Variants in ATP5PO observed in about 807,000 individuals in gnomAD.
ATP5PO encodes ATP synthase peripheral stalk subunit OSCP.
A neutral mutation model predicts 26.2 loss-of-function variants in ATP5PO; 14 were observed. The ratio of observed to expected loss-of-function variants is 0.53; its 90% CI spans 0.35 to 0.83. The LOEUF (loss-of-function observed/expected upper bound fraction) is 0.83, where lower values mean the gene tolerates loss of function less well. ATP5PO is among the 40% of genes least tolerant of loss of function. ATP5PO has a pLI of 0.01. For synonymous variants in ATP5PO, 106 were observed against 95.1 expected (o/e 1.12, Z -0.67); for missense variants, 241 against 258.5 (o/e 0.93, Z 0.46).
chr21:33,906,717 G>A (rs923864813), intron 5 of ATP5PO: 12 of 456,114 alleles, frequency 2.6e-5, no homozygotes, highest in Non-Finnish European at 4.4e-5. Flanking sequence ...GCCAGGTGTG[G>A]TAGCTTACAC....
At chr21:33,912,581 C>T (rs1987263665) in intron 2 of ATP5PO, among the ~76,000 whole-genome samples, 182 bp from the exon 3 acceptor site, 1 of 152,130 alleles carries the variant, frequency 6.6e-6, no homozygotes, top group Admixed American at 6.5e-5. Context: ...GCGATGTTTC[C>T]TTGGTCAGGT....
intron 4 of ATP5PO, among the ~76,000 whole-genome samples, chr21:33,907,837 G>C (rs1987193630): frequency 6.6e-6 from 1 of 152,142 alleles, no homozygotes; most frequent in African/African-American, 2.4e-5. Context: ...TAAAATCACA[G>C]TATATTCAAT....
chr21:33,906,348 A>G, intron 5 of ATP5PO: 1 of 242,636 alleles, frequency 4.1e-6, no homozygotes, highest in South Asian at 4.4e-5. Flanking sequence ...ATACATATTG[A>G]AGACAACAAC....
At chr21:33,910,462 A>G (rs1439809839) in intron 3 of ATP5PO, among the ~76,000 whole-genome samples, 1 of 152,114 alleles carries the variant, frequency 6.6e-6, no homozygotes, top group Non-Finnish European at 1.5e-5. Flanking sequence ...CTTCCCTCTT[A>G]GTGCCAAAAC....
intron 3 of ATP5PO, among the ~76,000 whole-genome samples, chr21:33,910,967 T>C (rs1987239519): frequency 6.6e-6 from 1 of 152,248 alleles, no homozygotes; most frequent in Non-Finnish European, 1.5e-5. Flanking sequence ...TATTACTCTA[T>C]ACAACTGGCC....
intron 3 of ATP5PO, among the ~76,000 whole-genome samples, chr21:33,910,322 A>G (rs1444868573): frequency 6.6e-6 from 1 of 152,164 alleles, no homozygotes; most frequent in Admixed American, 6.5e-5. Context: ...CCCCACAGAA[A>G]TGACATTTTT....
chr21:33,908,971 T>G, intron 4 of ATP5PO, 111 bp downstream of exon 4: 1 of 1,277,362 alleles, frequency 7.8e-7, no homozygotes, highest in Non-Finnish European at 1.1e-6. Flanking sequence ...AGGCCTGAGA[T>G]TCTTCACTGC....
intron 1 of ATP5PO, 168 bp downstream of exon 1, chr21:33,915,560 G>A: frequency 1.9e-6 from 2 of 1,052,756 alleles, no homozygotes; most frequent in East Asian, 2.9e-5. Context: ...AGGCATCCCG[G>A]GGGACAAACG....
In ATP5PO at chr21:33,910,949, G is replaced by GT. The variant is rs1438077927; in HGVS notation, c.198+1339dup. On this transcript the variant is annotated intron_variant, in intron 3 of 6. Coordinates refer to ENST00000290299, the MANE Select transcript of ATP5PO (RefSeq NM_001697.3). ...ATACATACGATGATTAATATAGAAC[G>GT]TAAGTATTATTACTCTATACAACTG... Among the ~76,000 whole-genome samples the GT allele has an allele frequency of 3.3e-5, 5 of 152,210 alleles. No homozygotes were observed. In the East Asian group the frequency reaches 5.8e-4, roughly 18 times the overall value.
intron 6 of ATP5PO, 117 bp from the exon 7 acceptor site, chr21:33,903,756 GA>G: frequency 8.2e-7 from 1 of 1,213,188 alleles, no homozygotes; most frequent in Non-Finnish European, 1.2e-6. Flanking sequence ...ATTACACCTA[GA>G]AAAAGGCAAA....
intron 3 of ATP5PO, among the ~76,000 whole-genome samples, chr21:33,910,370 C>G (rs1271085959): frequency 1.3e-5 from 2 of 152,146 alleles, no homozygotes; most frequent in Non-Finnish European, 2.9e-5. Flanking sequence ...TTAAAGCATT[C>G]TGGAATTTGG....
At chr21:33,912,063 G>A (rs1327901989) in intron 3 of ATP5PO, among the ~76,000 whole-genome samples, 1 of 151,942 alleles carries the variant, frequency 6.6e-6, no homozygotes, top group African/African-American at 2.4e-5. Flanking sequence ...CCTTTTCTTA[G>A]CCCCTAATCT....
intron 3 of ATP5PO, among the ~76,000 whole-genome samples, chr21:33,909,811 A>C (rs1416327890): frequency 6.6e-6 from 1 of 152,232 alleles, no homozygotes; most frequent in African/African-American, 2.4e-5. Context: ...AACCTTCATT[A>C]GACTGCATAC....
rs754118320 is a variant in ATP5PO, at chr21:33,913,905, G to C, written c.87+545C>G. On this transcript the variant is annotated intron_variant, in intron 2 of 6. Transcript: ENST00000290299. ...AGCAATTCTCCTACCTCAGCCTCCC[G>C]AGTGGCTGGGATTATAGGCATGCGC... Among the ~76,000 whole-genome samples, 5 of 151,856 alleles carry C rather than the reference G, an allele frequency of 3.3e-5. No homozygotes were observed. In the South Asian group the frequency reaches 1.0e-3, roughly 32 times the overall value.
chr21:33,903,860 T>G (rs575372710), intron 6 of ATP5PO, 75 bp downstream of exon 6: 111 of 1,348,588 alleles, frequency 8.2e-5, no homozygotes, highest in Non-Finnish European at 1.1e-4. Flanking sequence ...ATCTAATATT[T>G]CACTAGTACT....
At chr21:33,909,342 G>A (rs190738605) in intron 3 of ATP5PO, 131 bp from the exon 4 acceptor site, 34 of 985,612 alleles carry the variant, frequency 3.4e-5, no homozygotes, top group Non-Finnish European at 4.6e-5. Context: ...GTGCAGTGGC[G>A]CAATCTTGGC....
chr21:33,905,918 G>GAAAAAAAAAAAAAAAAAAAAAAAA (rs59334506), intron 5 of ATP5PO, among the ~76,000 whole-genome samples: 3 of 98,458 alleles, frequency 3.0e-5, no homozygotes, highest in Admixed American at 2.5e-4. Flanking sequence ...TCTCAAAAAA[G>GAAAAAAAAAAAAAAAAAAAAAAAA]AAAAAAAAAA....
chr21:33,904,196 G>A (rs1212031817), intron 5 of ATP5PO, among the ~76,000 whole-genome samples, 175 bp from the exon 6 acceptor site: 3 of 152,174 alleles, frequency 2.0e-5, no homozygotes, highest in Non-Finnish European at 2.9e-5. Flanking sequence ...GGAGGTTCAG[G>A]GAGCACAGGA....
At chr21:33,911,452 T>C (rs1987245660) in intron 3 of ATP5PO, among the ~76,000 whole-genome samples, 1 of 152,070 alleles carries the variant, frequency 6.6e-6, no homozygotes, top group South Asian at 2.1e-4. Flanking sequence ...ACCAAAACAA[T>C]GAAAAGGTCT....
Sources: gnomAD v4.1 joint callset for allele counts (sites outside exome capture counted in the v4.1 genomes callset) on GRCh38, gnomAD v4.1.1 for gene constraint, MANE v1.5 for transcripts, NCBI Gene and HGNC (gene_info 2026-07-23, HGNC 2026-07-21) for gene names.